Variants in PCDH11X observed in about 807,000 individuals in gnomAD.
PCDH11X encodes the protein protocadherin-11 X-linked.
A neutral mutation model predicts 53.3 loss-of-function variants in PCDH11X; 18 were observed. The observed-to-expected ratio is 0.34, with a 90% CI of 0.23 to 0.50. PCDH11X has a LOEUF of 0.50. PCDH11X is among the 20% of genes least tolerant of loss of function. The pLI, the probability that PCDH11X is intolerant of heterozygous loss-of-function variation, is 0.98. For synonymous variants in PCDH11X, 279 were observed against 393.3 expected (o/e 0.71, Z 3.44); for missense variants, 570 against 1,032.4 (o/e 0.55, Z 6.14).
chrX:92,380,969 A>G (rs1319224360), intron 8 of PCDH11X, among the ~76,000 whole-genome samples: 1 of 94,535 alleles, frequency 1.1e-5, no homozygotes, highest in Non-Finnish European at 2.1e-5. Context: ...CAGTATATAG[A>G]GATATTTTTG....
chrX:92,582,578 G>T (rs1334377479), intron 10 of PCDH11X, among the ~76,000 whole-genome samples: 1 of 110,961 alleles, frequency 9.0e-6, no homozygotes, highest in Non-Finnish European at 1.9e-5. Context: ...TCCTCATTGA[G>T]AACCTCTGCT....
At chrX:92,215,770 C>G (rs1236122482) in intron 7 of PCDH11X, among the ~76,000 whole-genome samples, 3 of 106,964 alleles carry the variant, frequency 2.8e-5, no homozygotes, top group African/African-American at 1.0e-4. Context: ...TCCCTGACCC[C>G]TGACTCCCGA....
At chrX:92,597,915 A>C (rs1925810156) in intron 10 of PCDH11X, among the ~76,000 whole-genome samples, 1 of 111,690 alleles carries the variant, frequency 9.0e-6, no homozygotes, top group African/African-American at 3.3e-5. Flanking sequence ...TGCTGAGAAC[A>C]TACACTGGGG....
intron 8 of PCDH11X, among the ~76,000 whole-genome samples, chrX:92,318,248 T>A (rs2069123602): frequency 9.0e-6 from 1 of 111,630 alleles, no homozygotes; most frequent in African/African-American, 3.3e-5. Context: ...ATTACTCTGT[T>A]TTTATCCTCT....
chrX:92,052,463 A>T (rs1267141604), intron 6 of PCDH11X, among the ~76,000 whole-genome samples: 1 of 74,608 alleles, frequency 1.3e-5, no homozygotes, highest in African/African-American at 5.1e-5. Context: ...ACAGAGAAAT[A>T]AAAATCATGG....
rs1250253248 is a variant in PCDH11X at position 92,130,877 on chromosome X, T to C, written c.3034-70498T>C. Among the ~76,000 whole-genome samples, 7 of 110,027 alleles carry C rather than the reference T, an allele frequency of 6.4e-5. No homozygotes were observed. In the Admixed American group the frequency reaches 6.9e-4, roughly 11 times the overall value. The stretch of plus-strand genomic sequence containing the variant: ...GACATTCTTTTTATGGTACAGTAGG[T>C]ACAACGACCTAGAAAAAGAATATTA... On this transcript the variant is annotated intron_variant, in intron 6 of 10. Transcript: ENST00000682573.
At chrX:92,359,119 T>G (rs2148537218) in intron 8 of PCDH11X, among the ~76,000 whole-genome samples, 1 of 107,127 alleles carries the variant, frequency 9.3e-6, no homozygotes, top group South Asian at 4.2e-4. Flanking sequence ...CCAAACTGCC[T>G]TTTGTTAGAA....
intron 7 of PCDH11X, among the ~76,000 whole-genome samples, chrX:92,217,213 A>T (rs888439325): frequency 5.4e-5 from 6 of 111,118 alleles, no homozygotes; most frequent in Non-Finnish European, 9.4e-5. Flanking sequence ...TATTAACTTT[A>T]AATGTAAATG....
chrX:92,570,102 C>T (rs772639223), intron 10 of PCDH11X, among the ~76,000 whole-genome samples: 1 of 106,820 alleles, frequency 9.4e-6, no homozygotes, highest in East Asian at 2.9e-4. Context: ...ACATGTTTCA[C>T]ATCAGTTTAA....
intron 10 of PCDH11X, among the ~76,000 whole-genome samples, chrX:92,511,187 C>T (rs757825627): frequency 5.4e-5 from 6 of 111,607 alleles, no homozygotes; most frequent in East Asian, 2.8e-4. Flanking sequence ...TTAGTATCTG[C>T]GATATAGGTC....
chrX:92,389,837 T>A (rs2071086473), intron 9 of PCDH11X, among the ~76,000 whole-genome samples: 1 of 109,677 alleles, frequency 9.1e-6, no homozygotes. Flanking sequence ...TAGGGGCTTT[T>A]TTTTTTAAAA....
chrX:91,886,842 G>C (rs1349449908), intron 6 of PCDH11X, among the ~76,000 whole-genome samples: 1 of 107,516 alleles, frequency 9.3e-6, no homozygotes, highest in Non-Finnish European at 1.9e-5. Flanking sequence ...GTGGTGGCGG[G>C]CGCCTGTAGT....
chrX:92,551,367 G>T (rs147538550), intron 10 of PCDH11X, among the ~76,000 whole-genome samples: 1,079 of 99,095 alleles, frequency 0.011, 19 homozygotes, highest in Admixed American at 0.075. Context: ...CTTCTTTTGA[G>T]AAAGTTCTAT....
intron 6 of PCDH11X, among the ~76,000 whole-genome samples, chrX:92,133,693 C>T (rs972999791): frequency 4.5e-5 from 5 of 112,180 alleles, no homozygotes; most frequent in South Asian, 7.2e-4. Context: ...TGAGAAACCA[C>T]GTATCTTAGA....
At chrX:91,923,832 GCTAA>G (rs1941837142) in intron 6 of PCDH11X, among the ~76,000 whole-genome samples, 1 of 111,061 alleles carries the variant, frequency 9.0e-6, no homozygotes, top group Admixed American at 9.7e-5. Flanking sequence ...ATAAGTGGGA[GCTAA>G]ACATTAAGTA....
intron 10 of PCDH11X, among the ~76,000 whole-genome samples, chrX:92,540,580 A>G (rs944602706): frequency 9.8e-6 from 1 of 102,019 alleles, no homozygotes; most frequent in Non-Finnish European, 2.0e-5. Flanking sequence ...CTAGTGTGCA[A>G]AACAAAGTCT....
At chrX:92,215,736 G>C (rs747978583) in intron 7 of PCDH11X, among the ~76,000 whole-genome samples, 1 of 104,724 alleles carries the variant, frequency 9.5e-6, no homozygotes, top group South Asian at 4.6e-4. Context: ...ATCTGAGAAT[G>C]GGCAGACTGC....
chrX:92,185,143 G>A (rs1422280227), intron 6 of PCDH11X, among the ~76,000 whole-genome samples: 1 of 110,568 alleles, frequency 9.0e-6, no homozygotes, highest in Non-Finnish European at 1.9e-5. Flanking sequence ...CTACACGGGG[G>A]GCTAAGGCAG....
chrX:92,034,765 G>A (rs966462855), intron 6 of PCDH11X, among the ~76,000 whole-genome samples: 1 of 108,371 alleles, frequency 9.2e-6, no homozygotes, highest in Non-Finnish European at 1.9e-5. Flanking sequence ...GATAAGTAAA[G>A]ACTTACTCCT....
Sources: gnomAD v4.1 joint callset for allele counts (sites outside exome capture counted in the v4.1 genomes callset) on GRCh38, gnomAD v4.1.1 for gene constraint, MANE v1.5 for transcripts, NCBI Gene and HGNC (gene_info 2026-07-23, HGNC 2026-07-21) for gene names.